GRIN2A: variants seen among roughly 807,000 people sequenced by gnomAD.
GRIN2A encodes glutamate receptor ionotropic, NMDA 2A.
GRIN2A carries 22 observed loss-of-function variants against 113.4 expected under a neutral mutation model. The ratio of observed to expected loss-of-function variants is 0.19; its 90% CI spans 0.14 to 0.28. GRIN2A has a LOEUF of 0.28. GRIN2A is among the 10% of genes least tolerant of loss of function. The pLI is 1.00. For synonymous variants in GRIN2A, 827 were observed against 738.4 expected, an observed-to-expected ratio of 1.12 and a Z score of -1.94; for missense variants, 1,502 against 1,887.0, an observed-to-expected ratio of 0.80 and a Z score of 3.78.
intron 2 of GRIN2A, among the ~76,000 whole-genome samples, chr16:10,177,058 C>T (rs111567045): frequency 4.0e-4 from 61 of 152,252 alleles, no homozygotes; most frequent in African/African-American, 1.1e-3. Context: ...AAGGTTGAGG[C>T]TGTAGTCATA....
intron 10 of GRIN2A, among the ~76,000 whole-genome samples, chr16:9,800,774 C>T (rs1596430197): frequency 6.6e-6 from 1 of 152,040 alleles, no homozygotes; most frequent in Non-Finnish European, 1.5e-5. Flanking sequence ...CACTGATTGG[C>T]AACAGCGATG....
intron 2 of GRIN2A, among the ~76,000 whole-genome samples, chr16:10,079,493 G>A (rs1383780501): frequency 6.6e-6 from 1 of 152,182 alleles, no homozygotes; most frequent in Middle Eastern, 3.2e-3. Flanking sequence ...TCAATGTGAT[G>A]GTGTTAGGAG....
intron 2 of GRIN2A, among the ~76,000 whole-genome samples, chr16:10,178,646 A>G (rs1306297708): frequency 1.3e-5 from 2 of 152,240 alleles, no homozygotes; most frequent in African/African-American, 2.4e-5. Flanking sequence ...ATTTAAAATG[A>G]ATGTTTAATA....
chr16:10,149,101 T>G (rs2049508567), intron 2 of GRIN2A, among the ~76,000 whole-genome samples: 1 of 152,148 alleles, frequency 6.6e-6, no homozygotes. Context: ...GGGCAGGGAA[T>G]AGGGATGGTT....
chr16:9,844,299 A>G (rs186247209), intron 5 of GRIN2A, among the ~76,000 whole-genome samples: 304 of 152,316 alleles, frequency 2.0e-3, no homozygotes, highest in Non-Finnish European at 3.0e-3. Flanking sequence ...TTTTCACCCA[A>G]CAAGCACCCA....
chr16:10,043,587 T>C (rs1454389240), intron 2 of GRIN2A, among the ~76,000 whole-genome samples: 1 of 152,156 alleles, frequency 6.6e-6, no homozygotes, highest in Non-Finnish European at 1.5e-5. Flanking sequence ...CTTTCAATTA[T>C]CTCAGCTAGG....
At chr16:10,096,539 A>AACACACACAC (rs59351819) in intron 2 of GRIN2A, among the ~76,000 whole-genome samples, 7,491 of 137,640 alleles carry the variant, frequency 0.054, 291 homozygotes, top group African/African-American at 0.099. Flanking sequence ...ATTGTGGTAA[A>AACACACACAC]ACACACACAC....
At chr16:10,036,284 C>T (rs561024505) in intron 2 of GRIN2A, among the ~76,000 whole-genome samples, 6 of 152,102 alleles carry the variant, frequency 3.9e-5, no homozygotes, top group African/African-American at 1.4e-4. Context: ...GTTCTGGAGG[C>T]TGAAAGTGTA....
intron 2 of GRIN2A, among the ~76,000 whole-genome samples, chr16:10,081,167 T>C (rs1319088640): frequency 6.6e-6 from 1 of 152,226 alleles, no homozygotes; most frequent in African/African-American, 2.4e-5. Flanking sequence ...GTCCTGAGGT[T>C]AGCATGAGGC....
intron 4 of GRIN2A, among the ~76,000 whole-genome samples, chr16:9,866,893 G>C (rs979705379): frequency 4.6e-5 from 7 of 151,914 alleles, no homozygotes; most frequent in Admixed American, 4.6e-4. Flanking sequence ...TTCCCATGGG[G>C]GAAATTCACT....
chr16:9,771,668 C>G (rs1024867138), intron 11 of GRIN2A, among the ~76,000 whole-genome samples: 4 of 150,202 alleles, frequency 2.7e-5, no homozygotes. Context: ...ATGAGCTAAT[C>G]TTCTGCAGAA....
At chr16:10,071,133 T>A (rs2047742320) in intron 2 of GRIN2A, among the ~76,000 whole-genome samples, 1 of 152,300 alleles carries the variant, frequency 6.6e-6, no homozygotes, top group Admixed American at 6.5e-5. Flanking sequence ...AATACCTACA[T>A]AAAAGAACCA....
chr16:10,050,839 G>A lies in GRIN2A; in HGVS notation c.415-112288C>T, dbSNP rs61103681. Among the ~76,000 whole-genome samples, 1,511 of 152,106 alleles carry A rather than the reference G, an allele frequency of 9.9e-3. 22 individuals are homozygous for A. Among genetic ancestry groups the A allele is most frequent in the African/African-American group, 0.034 (1,428 of 41,456 alleles). On this transcript the variant is annotated intron_variant, in intron 2 of 12. Coordinates refer to ENST00000330684, the MANE Select transcript of GRIN2A (RefSeq NM_001134407.3). ...AATCATAATCTGAGAGTTTACAGAG[G>A]AGCACAGCCCTGCTTTCACAAACCT...
chr16:9,765,665 G>T (rs1900871300), intron 12 of GRIN2A, among the ~76,000 whole-genome samples: 1 of 152,128 alleles, frequency 6.6e-6, no homozygotes, highest in South Asian at 2.1e-4. Context: ...GAGCCCAAGA[G>T]ATAGAGAAAG....
At chr16:9,835,867 T>A (rs1342798353) in intron 7 of GRIN2A, among the ~76,000 whole-genome samples, 1 of 152,284 alleles carries the variant, frequency 6.6e-6, no homozygotes, top group East Asian at 1.9e-4. Flanking sequence ...TTGGATAATT[T>A]AAAAGCTGGG....
chr16:10,137,689 A>G (rs374741886), intron 2 of GRIN2A, among the ~76,000 whole-genome samples: 1 of 152,162 alleles, frequency 6.6e-6, no homozygotes, highest in African/African-American at 2.4e-5. Flanking sequence ...TTCACTGTGC[A>G]CCTATTCTGT....
chr16:9,945,975 A>G (rs2045008504), intron 2 of GRIN2A, among the ~76,000 whole-genome samples: 1 of 152,194 alleles, frequency 6.6e-6, no homozygotes, highest in South Asian at 2.1e-4. Context: ...CAAGTCCACA[A>G]TGCCAGAGGA....
At chr16:9,980,647 C>G (rs1321512209) in intron 2 of GRIN2A, among the ~76,000 whole-genome samples, 2 of 152,184 alleles carry the variant, frequency 1.3e-5, no homozygotes, top group Middle Eastern at 3.4e-3. Context: ...CCATGGAATA[C>G]TATGCAGCCA....
At chr16:9,779,117 T>G (rs1248481453) in intron 11 of GRIN2A, among the ~76,000 whole-genome samples, 1 of 152,128 alleles carries the variant, frequency 6.6e-6, no homozygotes, top group African/African-American at 2.4e-5. Flanking sequence ...CACTTTAAGT[T>G]TGCAGGCAAA....
Sources: gnomAD v4.1 joint callset for allele counts (sites outside exome capture counted in the v4.1 genomes callset) on GRCh38, gnomAD v4.1.1 for gene constraint, MANE v1.5 for transcripts, NCBI Gene and HGNC (gene_info 2026-07-23, HGNC 2026-07-21) for gene names.